Variants in FABP5 observed in about 807,000 individuals in gnomAD.
The protein encoded by FABP5 is fatty acid-binding protein 5.
Under a neutral mutation model 16.9 loss-of-function variants are expected in FABP5, and 7 were observed. The ratio of observed to expected loss-of-function variants is 0.41; its 90% CI spans 0.24 to 0.78. FABP5 has a LOEUF of 0.78. Among genes scored for constraint, FABP5 ranks in the 30% least tolerant of loss-of-function variants. FABP5 has a pLI of 0.30. For synonymous variants in FABP5, 37 were observed against 52.8 expected (o/e 0.70, Z 1.30); for missense variants, 119 against 159.5 (o/e 0.75, Z 1.37).
At chr8:81,284,052 C>T in intron 3 of FABP5, 78 bp downstream of exon 3, 1 of 1,067,374 alleles carries the variant, frequency 9.4e-7, no homozygotes, top group South Asian at 1.4e-5. Context: ...TATCATTGAT[C>T]ATTAACAGAA....
rs1040222080 is a variant in FABP5 at position 81,280,547 on chromosome 8, C to T, written c.-49C>T. On this transcript the variant is annotated 5_prime_UTR_variant, in exon 1 of 4. Coordinates refer to ENST00000297258, the MANE Select transcript of FABP5 (RefSeq NM_001444.3). ...GCGCCGGGTGCCTCACAGCACGCTG[C>T]CACGCCGACGCAGACCCCTCTCTGC... is the stretch of plus-strand genomic sequence containing the variant. The T allele has an allele frequency of 3.9e-6, 6 of 1,536,968 alleles. No homozygotes were observed. The highest frequency in any genetic ancestry group is 5.3e-6 in the Non-Finnish European group (6 of 1,139,124).
chr8:81,284,075 G>A, intron 3 of FABP5, 101 bp downstream of exon 3: 7 of 871,672 alleles, frequency 8.0e-6, no homozygotes, highest in Admixed American at 2.6e-5. Context: ...CAGTTTGGAA[G>A]AAAAAAAAGC....
At chr8:81,282,625 T>A (rs1003689084) in intron 1 of FABP5, among the ~76,000 whole-genome samples, 3 of 152,170 alleles carry the variant, frequency 2.0e-5, no homozygotes, top group Admixed American at 1.3e-4. Flanking sequence ...TGATAGATCA[T>A]AAATTAAAAT....
At chr8:81,280,974 T>G (rs1255786679) in intron 1 of FABP5, 3 of 361,132 alleles carry the variant, frequency 8.3e-6, no homozygotes, top group Non-Finnish European at 1.5e-5. Context: ...ACGGCAGCCC[T>G]TCCGCATTGC....
rs1442070244 is a variant in FABP5 at position 81,284,551 on chromosome 8, A to G, written c.392A>G (p.Tyr131Cys). ...AACAATGTCACCTGTACTCGGATCT[A>G]TGAAAAAGTAGAATAAAAATTCCAT... is the stretch of plus-strand genomic sequence containing the variant. ...VMNNVTCTRIYEKVE is the reference protein window; with the variant it reads ...VMNNVTCTRICEKVE Residue 131 changes from tyrosine (Y) to cysteine (C), a missense_variant, in exon 4 of 4, where the codon TAT becomes TGT. By Grantham distance (194) the Tyr-to-Cys change is radical. Coordinates refer to ENST00000297258, the MANE Select transcript of FABP5 (RefSeq NM_001444.3). The G allele has an allele frequency of 3.8e-6, 6 of 1,597,220 alleles. No homozygotes were observed. Among genetic ancestry groups the G allele is most frequent in the African/African-American group, 1.3e-5 (1 of 74,608 alleles).
Position 81,281,264 on chromosome 8 carries a change from T to A in FABP5, c.79+590T>A. 7.1e-6 allele frequency: 6 copies of A among 846,166 alleles called. No individual in the cohort carries two copies. The highest frequency in any genetic ancestry group is 8.5e-6 in the Non-Finnish European group (6 of 702,576). The allele number at this position is 846,166 out of a possible 1,614,324, so 52.4% of individuals were successfully genotyped here. A position where few individuals can be genotyped will look rare whatever the true frequency, so the allele number is the denominator to read the frequency against. ...CAGAAATCCTGTGGAGGGGTCTGAG[T>A]GGCGCTACAGCTTCAGCTTGCATTC... is the stretch of plus-strand genomic sequence containing the variant. On this transcript the variant is annotated intron_variant, in intron 1 of 3. Transcript: ENST00000297258. This position sits in a 1 kb window ranked among gnomAD's most constrained non-coding sequence, Gnocchi z 4.5.
intron 3 of FABP5, 182 bp downstream of exon 3, chr8:81,284,156 CAT>C: frequency 5.2e-6 from 3 of 576,952 alleles, no homozygotes; most frequent in Non-Finnish European, 9.1e-6. Flanking sequence ...AGTGACATGA[CAT>C]AGGAGAGGAT....
At chr8:81,282,602 G>C (rs1029774922) in intron 1 of FABP5, among the ~76,000 whole-genome samples, 5 of 152,062 alleles carry the variant, frequency 3.3e-5, no homozygotes, top group African/African-American at 1.2e-4. Flanking sequence ...ACATGTTAAC[G>C]TTGAGGGGAA....
At position 81,281,668 on chromosome 8, in the gene FABP5, CAGTAGTAAGATTCA is replaced by C. The variant is rs1297122306; in HGVS notation, c.79+995_79+1008del. The C allele has an allele frequency of 1.0e-6, 1 of 984,864 alleles. No individual in the cohort carries two copies. The highest frequency in any genetic ancestry group is 1.7e-5 in the African/African-American group (1 of 57,232). The allele number at this position is 984,864 out of a possible 1,614,324, so 61.0% of individuals were successfully genotyped here. On this transcript the variant is annotated intron_variant, in intron 1 of 3. Transcript: ENST00000297258. The surrounding 1 kb of genome is among the most constrained non-coding windows in gnomAD (Gnocchi z 4.5). ...AAGCGTTCCGAGGGAGAATGAATCT[CAGTAGTAAGATTCA>C]TTTCTCACTCAAAACAGTGCTTCAT...
chr8:81,284,209 C>T (rs1269115163), intron 3 of FABP5: 31 of 539,908 alleles, frequency 5.7e-5, no homozygotes, highest in Non-Finnish European at 1.0e-4. Context: ...GCTGCCACGT[C>T]ACAGTGAAAT....
In FABP5 at chr8:81,281,231, G is replaced by T; in HGVS notation, c.79+557G>T. On this transcript the variant is annotated intron_variant, in intron 1 of 3. Transcript: ENST00000297258. The surrounding 1 kb of genome is among the most constrained non-coding windows in gnomAD (Gnocchi z 4.5). ...CATGGGGACGCGGTGCTGGCGCGCAGTTTCCCGCAGAAATCCTGTGGAGGG... is the reference window on the plus strand; with the variant it reads ...CATGGGGACGCGGTGCTGGCGCGCATTTTCCCGCAGAAATCCTGTGGAGGG... 3.1e-6 allele frequency: 2 copies of T among 639,722 alleles called. No individual in the cohort carries two copies. Among genetic ancestry groups the T allele is most frequent in the South Asian group, 6.9e-5 (1 of 14,588 alleles). The allele number at this position is 639,722 out of a possible 1,614,324, so 39.6% of individuals were successfully genotyped here. A position where few individuals can be genotyped will look rare whatever the true frequency, so the allele number is the denominator to read the frequency against.
rs79414366 is a variant in FABP5 at position 81,284,426 on chromosome 8, G to A, written c.355-88G>A. ...TCTATGAAGTAGATTACGTGATTTC[G>A]TGGGACTTTGATTCTAATGTTTTAA... is the stretch of plus-strand genomic sequence containing the variant. On this transcript the variant is annotated intron_variant, in intron 3 of 3. Transcript: ENST00000297258. The A allele has an allele frequency of 3.3e-4, 285 of 854,486 alleles. No individual in the cohort carries two copies. The East Asian group carries it at 5.7e-3, about 17-fold the overall frequency. The allele number at this position is 854,486 out of a possible 1,614,324, so 52.9% of individuals were successfully genotyped here. A position where few individuals can be genotyped will look rare whatever the true frequency, so the allele number is the denominator to read the frequency against.
intron 1 of FABP5, chr8:81,280,956 T>G (rs965337426): frequency 7.5e-6 from 3 of 398,868 alleles, no homozygotes; most frequent in African/African-American, 4.2e-5. Flanking sequence ...TTCTTTCCCT[T>G]CGCCCAAACG....
rs1270313414 is a variant in FABP5, at chr8:81,281,623, A to G, written c.79+949A>G. 1.7e-5 allele frequency: 17 copies of G among 985,360 alleles called. No individual in the cohort carries two copies. The highest frequency in any genetic ancestry group is 1.9e-5 in the Non-Finnish European group (16 of 829,944). The allele number at this position is 985,360 out of a possible 1,614,324, so 61.0% of individuals were successfully genotyped here. A position where few individuals can be genotyped will look rare whatever the true frequency, so the allele number is the denominator to read the frequency against. On this transcript the variant is annotated intron_variant, in intron 1 of 3. Transcript: ENST00000297258. The surrounding 1 kb of genome is among the most constrained non-coding windows in gnomAD (Gnocchi z 4.5). ...GCATGCAAGATGGGTGTGGCCCTGC[A>G]GAAGGCAGATGACTTCTTGAAGCGT...
chr8:81,284,016 C>G, intron 3 of FABP5, 42 bp downstream of exon 3: 2 of 1,397,708 alleles, frequency 1.4e-6, no homozygotes, highest in African/African-American at 1.4e-5. Flanking sequence ...TTCTTGTGTG[C>G]ATTCATAGTT....
chr8:81,284,590 A>G lies in FABP5; in HGVS notation c.*23A>G. The stretch of plus-strand genomic sequence containing the variant: ...TAAAAATTCCATCATCACTTTGGAC[A>G]GGAGTTAATTAAGAGAATGACCAAG... On this transcript the variant is annotated 3_prime_UTR_variant, in exon 4 of 4. Transcript: ENST00000297258. 1 of 1,416,734 alleles carries G rather than the reference A, an allele frequency of 7.1e-7. No individual in the cohort carries two copies. The highest frequency in any genetic ancestry group is 1.2e-5 in the South Asian group (1 of 86,674). 87.8% of individuals were successfully genotyped at this position (1,416,734 alleles called of 1,614,324 possible). A position where few individuals can be genotyped will look rare whatever the true frequency, so the allele number is the denominator to read the frequency against.
In FABP5 at chr8:81,284,494, A is replaced by G; in HGVS notation, c.355-20A>G. ...AATCTAAGGCTAACCTAACTCTTTT[A>G]ATATCTTTCCTTCTTCTAGGAGTGT... On this transcript the variant is annotated intron_variant, in intron 3 of 3. Coordinates refer to ENST00000297258, the MANE Select transcript of FABP5 (RefSeq NM_001444.3). 6.4e-7 allele frequency: 1 copy of G among 1,569,104 alleles called. No homozygotes were observed. Among genetic ancestry groups the G allele is most frequent in the African/African-American group, 1.3e-5 (1 of 74,114 alleles).
chr8:81,283,773 G>C (rs999540293), intron 2 of FABP5, 100 bp from the exon 3 acceptor site: 82 of 1,080,604 alleles, frequency 7.6e-5, no homozygotes, highest in Non-Finnish European at 1.0e-4. Context: ...AGTAGACTCA[G>C]AAAGGAGAAG....
In FABP5 at chr8:81,281,744, T is replaced by G. The variant is rs753074516; in HGVS notation, c.79+1070T>G. ...GTCCTTTTCTATGCCAGTGACAGAT[T>G]GCATGCTGATTGAGACACTGGATAA... On this transcript the variant is annotated intron_variant, in intron 1 of 3. Transcript: ENST00000297258. This position sits in a 1 kb window ranked among gnomAD's most constrained non-coding sequence, Gnocchi z 4.5. The G allele has an allele frequency of 2.3e-6, 2 of 888,304 alleles. No homozygotes were observed. The highest frequency in any genetic ancestry group is 2.7e-6 in the Non-Finnish European group (2 of 741,330). 55.0% of individuals were successfully genotyped at this position (888,304 alleles called of 1,614,324 possible).
Sources: allele counts gnomAD v4.1 joint callset (sites outside exome capture counted in the v4.1 genomes callset), GRCh38; gene constraint gnomAD v4.1.1; non-coding constraint Gnocchi (gnomAD v3.1); transcripts MANE v1.5; gene names NCBI Gene and HGNC (gene_info 2026-07-23, HGNC 2026-07-21).